The following TEX9 variants were observed in gnomAD, a reference collection of about 807,000 sequenced individuals.
TEX9 encodes the protein testis-expressed protein 9.
TEX9 carries 74 observed loss-of-function variants against 59.6 expected under a neutral mutation model. That is an observed-to-expected ratio of 1.24 (90% CI 1.03 to 1.51). TEX9 has a LOEUF of 1.51. TEX9 is among the 40% of genes most tolerant of loss of function. The pLI is 0.00. For missense variants in TEX9, 522 were observed against 447.8 expected, an observed-to-expected ratio of 1.17 and a Z score of -1.49; for synonymous variants, 186 against 152.2, an observed-to-expected ratio of 1.22 and a Z score of -1.64.
chr15:56,439,781 C>CAA (rs1204530373), intron 12 of TEX9, among the ~76,000 whole-genome samples: 1 of 146,620 alleles, frequency 6.8e-6, no homozygotes, highest in Non-Finnish European at 1.5e-5. Context: ...AAACAAAACA[C>CAA]ACACACACAC....
At chr15:56,272,261 G>C (rs1191988900) in intron 1 of TEX9, among the ~76,000 whole-genome samples, 1 of 152,078 alleles carries the variant, frequency 6.6e-6, no homozygotes, top group East Asian at 1.9e-4. Context: ...TGTACCTGTT[G>C]GTAGTTAATT....
At chr15:56,448,993 G>T (rs1196664256), downstream of TEX9, among the ~76,000 whole-genome samples, 3 of 152,102 alleles carry the variant, frequency 2.0e-5, no homozygotes, top group Non-Finnish European at 4.4e-5. Flanking sequence ...GACCTCAGGT[G>T]ATCCACCTGC....
At chr15:56,457,317 A>G in the TEX9 span, among the ~76,000 whole-genome samples, 2 of 152,204 alleles carry the variant, frequency 1.3e-5, no homozygotes, top group Non-Finnish European at 2.9e-5. Context: ...TCAGTATCTA[A>G]TAAAAACACA....
At chr15:56,428,284 T>C (rs180733669) in intron 11 of TEX9, 83 bp from the exon 12 acceptor site, 2 of 923,860 alleles carry the variant, frequency 2.2e-6, no homozygotes, top group Non-Finnish European at 1.7e-6. Flanking sequence ...CAATATATTA[T>C]CCACACATTT....
chr15:56,437,969 C>T, intron 12 of TEX9, among the ~76,000 whole-genome samples: 1 of 152,042 alleles, frequency 6.6e-6, no homozygotes, highest in East Asian at 1.9e-4. Context: ...TAAAAGACGA[C>T]ACAAACAAAT....
chr15:56,282,700 A>G (rs1273350490), intron 1 of TEX9, among the ~76,000 whole-genome samples: 1 of 152,178 alleles, frequency 6.6e-6, no homozygotes. Context: ...GGTGGTTTAG[A>G]GTTAGATAGT....
chr15:56,268,046 T>C (rs1159569623), intron 1 of TEX9, among the ~76,000 whole-genome samples: 1 of 152,168 alleles, frequency 6.6e-6, no homozygotes, highest in Non-Finnish European at 1.5e-5. Context: ...TCACATCCCT[T>C]GTAAGTTGGA....
At chr15:56,308,585 T>C (rs1219862027) in intron 1 of TEX9, among the ~76,000 whole-genome samples, 1 of 152,168 alleles carries the variant, frequency 6.6e-6, no homozygotes, top group Non-Finnish European at 1.5e-5. Flanking sequence ...ATCTATTTTT[T>C]CTTTTGTTGC....
At chr15:56,286,594 G>A (rs557379981) in intron 1 of TEX9, among the ~76,000 whole-genome samples, 2 of 152,266 alleles carry the variant, frequency 1.3e-5, no homozygotes, top group East Asian at 1.9e-4. Flanking sequence ...AGACTTCAGC[G>A]AGAACTGTTT....
intron 1 of TEX9, among the ~76,000 whole-genome samples, chr15:56,260,225 T>C (rs1268333446): frequency 3.3e-5 from 5 of 152,132 alleles, no homozygotes; most frequent in Admixed American, 2.6e-4. Flanking sequence ...ACAGCTCTTC[T>C]TTCATGCCTT....
At chr15:56,249,521 C>T (rs1405847950) in intron 1 of TEX9, among the ~76,000 whole-genome samples, 3 of 151,524 alleles carry the variant, frequency 2.0e-5, no homozygotes, top group African/African-American at 7.3e-5. Context: ...AGGTGGATCA[C>T]AAGGTCAGGA....
chr15:56,333,660 T>C (rs1687234934), intron 1 of TEX9, among the ~76,000 whole-genome samples: 1 of 152,034 alleles, frequency 6.6e-6, no homozygotes, highest in Non-Finnish European at 1.5e-5. Context: ...ACATAGTACT[T>C]GAAGTCCTAG....
intron 1 of TEX9, among the ~76,000 whole-genome samples, chr15:56,353,117 G>A (rs1359056637): frequency 1.3e-5 from 2 of 152,152 alleles, no homozygotes; most frequent in Non-Finnish European, 2.9e-5. Context: ...TAAGTACAGG[G>A]AGCACTACTG....
rs535058901 is a variant in TEX9 at position 56,349,450 on chromosome 15, C to T, written c.-106-23991C>T. 2.0e-5 allele frequency among the ~76,000 whole-genome samples: 3 copies of T among 152,296 alleles called. No homozygotes were observed. In the South Asian group the frequency reaches 6.2e-4, roughly 32 times the overall value. ...TTTTGGGATTTCCCTCTCTGATGCT[C>T]TCTTGTCTAGTTGCTCCAAATTTGC... On this transcript the variant is annotated intron_variant, in intron 1 of 5. Coordinates refer to the TEX9 transcript ENST00000560827.
At chr15:56,275,271 C>G (rs188968156) in intron 1 of TEX9, among the ~76,000 whole-genome samples, 166 of 152,310 alleles carry the variant, frequency 1.1e-3, no homozygotes, top group African/African-American at 3.9e-3. Context: ...CCTCCAAACC[C>G]CATACCCCAG....
Position 56,340,755 on chromosome 15 carries a change from C to G in TEX9, c.-106-32686C>G, listed in dbSNP as rs539283791. On this transcript the variant is annotated intron_variant, in intron 1 of 5. Coordinates refer to the TEX9 transcript ENST00000560827. Reference sequence around the variant, plus strand: ...TCCTCCTTTATCAGACCTGCCTCTCCTTTATCGTGCTGTGATTTGACCCTA... The same window carrying G: ...TCCTCCTTTATCAGACCTGCCTCTCGTTTATCGTGCTGTGATTTGACCCTA... Among the ~76,000 whole-genome samples, 13 of 152,260 alleles carry G rather than the reference C, an allele frequency of 8.5e-5. No individual in the cohort carries two copies. The South Asian group carries it at 1.9e-3, about 22-fold the overall frequency.
At chr15:56,316,739 C>T (rs1596084036) in intron 1 of TEX9, among the ~76,000 whole-genome samples, 1 of 152,224 alleles carries the variant, frequency 6.6e-6, no homozygotes, top group Non-Finnish European at 1.5e-5. Flanking sequence ...GTGGGCGCCC[C>T]TCCCCCAGCC....
chr15:56,293,767 A>G (rs1315040570), intron 1 of TEX9, among the ~76,000 whole-genome samples: 3 of 152,194 alleles, frequency 2.0e-5, no homozygotes, highest in African/African-American at 4.8e-5. Flanking sequence ...CTGGCCAGCC[A>G]TGTGTGTCTC....
At chr15:56,283,090 A>G (rs1248084649) in intron 1 of TEX9, among the ~76,000 whole-genome samples, 1 of 149,188 alleles carries the variant, frequency 6.7e-6, no homozygotes, top group Non-Finnish European at 1.5e-5. Flanking sequence ...GTACATATAC[A>G]CATACATAAC....
Sources: allele counts gnomAD v4.1 joint callset (sites outside exome capture counted in the v4.1 genomes callset), GRCh38; gene constraint gnomAD v4.1.1; transcripts MANE v1.5; gene names NCBI Gene and HGNC (gene_info 2026-07-23, HGNC 2026-07-21).